The following CSMD1 variants were observed in gnomAD, a reference collection of about 807,000 sequenced individuals.
The protein encoded by CSMD1 is CUB and Sushi multiple domains 1.
A neutral mutation model predicts 417.5 loss-of-function variants in CSMD1; 213 were observed. That is an observed-to-expected ratio of 0.51 (90% CI 0.46 to 0.57). CSMD1 has a LOEUF of 0.57. CSMD1 is among the 20% of genes least tolerant of loss of function. The probability of loss-of-function intolerance (pLI) is 0.00; values close to 1 mark genes in which losing one functional copy is unlikely to be tolerated. For synonymous variants in CSMD1, 2,862 were observed against 1,736.8 expected, an observed-to-expected ratio of 1.65 and a Z score of -16.11; for missense variants, 6,923 against 4,529.7, an observed-to-expected ratio of 1.53 and a Z score of -15.17.
chr8:4,406,127 C>T (rs1805001870), intron 3 of CSMD1, among the ~76,000 whole-genome samples: 2 of 152,144 alleles, frequency 1.3e-5, no homozygotes, highest in Non-Finnish European at 2.9e-5. Context: ...AAACAGCTGT[C>T]AGATGGCAGT....
intron 5 of CSMD1, among the ~76,000 whole-genome samples, chr8:3,920,622 T>A (rs1476561005): frequency 6.6e-6 from 1 of 152,180 alleles, no homozygotes; most frequent in Non-Finnish European, 1.5e-5. Flanking sequence ...TTGTCATATA[T>A]GACCTTTATT....
intron 1 of CSMD1, among the ~76,000 whole-genome samples, chr8:4,693,937 T>A (rs1202371527): frequency 2.0e-5 from 3 of 152,232 alleles, no homozygotes; most frequent in Non-Finnish European, 4.4e-5. Flanking sequence ...AATGGTTTCT[T>A]TATTGTCCAT....
At position 3,151,154 on chromosome 8, in the gene CSMD1, C is replaced by G; in HGVS notation, c.6031+243G>C. On this transcript the variant is annotated intron_variant, in intron 40 of 69. Transcript: ENST00000635120. ...GATGCTATATTTTGTACTTCGTATG[C>G]CTACTATATCATCATTCGGCCAATT... The G allele has an allele frequency of 7.5e-6, 3 of 397,894 alleles. No homozygotes were observed. In the South Asian group the frequency reaches 1.4e-4, roughly 19 times the overall value. 24.6% of individuals were successfully genotyped at this position (397,894 alleles called of 1,614,324 possible).
intron 6 of CSMD1, among the ~76,000 whole-genome samples, chr8:3,717,829 T>C (rs768323552): frequency 9.9e-5 from 15 of 152,204 alleles, no homozygotes; most frequent in Non-Finnish European, 1.6e-4. Context: ...CATTAGAAAT[T>C]AGTTTTTCTC....
intron 1 of CSMD1, among the ~76,000 whole-genome samples, chr8:4,831,142 A>G (rs144924452): frequency 2.6e-5 from 4 of 152,200 alleles, no homozygotes; most frequent in Admixed American, 2.6e-4. Flanking sequence ...ACTTCGTTAA[A>G]TCATCCGTTA....
chr8:3,351,554 C>A (rs1425087849), intron 21 of CSMD1, among the ~76,000 whole-genome samples: 2 of 149,852 alleles, frequency 1.3e-5, no homozygotes, highest in Non-Finnish European at 3.0e-5. Flanking sequence ...CCGAGACCAC[C>A]CAACTACATT....
chr8:4,086,695 T>A (rs1800439341), intron 3 of CSMD1, among the ~76,000 whole-genome samples: 1 of 152,232 alleles, frequency 6.6e-6, no homozygotes, highest in Non-Finnish European at 1.5e-5. Flanking sequence ...AACCTGAACT[T>A]CTTCAGGTAC....
intron 10 of CSMD1, among the ~76,000 whole-genome samples, chr8:3,502,208 T>TA (rs1422417048): frequency 6.6e-6 from 1 of 151,112 alleles, no homozygotes; most frequent in Non-Finnish European, 1.5e-5. Flanking sequence ...ACTAAAAATA[T>TA]AAAAAAATTA....
chr8:3,553,834 C>T (rs1161283073), intron 10 of CSMD1, among the ~76,000 whole-genome samples: 1 of 152,182 alleles, frequency 6.6e-6, no homozygotes, highest in Non-Finnish European at 1.5e-5. Context: ...TTGTATCACT[C>T]TTGAAAAGGA....
intron 1 of CSMD1, among the ~76,000 whole-genome samples, chr8:4,831,584 C>T (rs1800150622): frequency 6.6e-6 from 1 of 151,948 alleles, no homozygotes; most frequent in Non-Finnish European, 1.5e-5. Context: ...AAATGTCATG[C>T]CAAGGTTTGT....
chr8:3,814,347 C>T (rs1801255134), intron 5 of CSMD1, among the ~76,000 whole-genome samples: 1 of 152,172 alleles, frequency 6.6e-6, no homozygotes, highest in Admixed American at 6.5e-5. Flanking sequence ...TGACCAAGGA[C>T]ATCTTTGACT....
At chr8:3,291,559 A>T (rs1036369566) in intron 25 of CSMD1, among the ~76,000 whole-genome samples, 1 of 151,840 alleles carries the variant, frequency 6.6e-6, no homozygotes, top group Admixed American at 6.6e-5. Flanking sequence ...TCTTGGGAGG[A>T]TGTATGTGTC....
At chr8:4,347,279 C>T (rs948319683) in intron 3 of CSMD1, among the ~76,000 whole-genome samples, 1 of 152,064 alleles carries the variant, frequency 6.6e-6, no homozygotes, top group South Asian at 2.1e-4. Context: ...CTCACCTTGG[C>T]CCTCTCTAAA....
At chr8:4,879,223 C>T (rs766070791) in intron 1 of CSMD1, among the ~76,000 whole-genome samples, 1 of 151,910 alleles carries the variant, frequency 6.6e-6, no homozygotes, top group Non-Finnish European at 1.5e-5. Flanking sequence ...GTTTCATGAA[C>T]AGGGACAAGG....
intron 27 of CSMD1, among the ~76,000 whole-genome samples, chr8:3,224,678 A>C (rs907583437): frequency 6.6e-6 from 1 of 152,226 alleles, no homozygotes; most frequent in African/African-American, 2.4e-5. Flanking sequence ...TTGTGTTTGA[A>C]GTCATCAATT....
intron 7 of CSMD1, among the ~76,000 whole-genome samples, chr8:3,657,430 G>A (rs924019316): frequency 6.6e-6 from 1 of 152,088 alleles, no homozygotes; most frequent in East Asian, 1.9e-4. Context: ...CTAAGAAAAT[G>A]ACTTGGAACC....
chr8:4,849,972 AC>A (rs1224263486), intron 1 of CSMD1, among the ~76,000 whole-genome samples: 2 of 152,300 alleles, frequency 1.3e-5, no homozygotes, highest in Middle Eastern at 3.4e-3. Flanking sequence ...ATGTGGCTGA[AC>A]TTTTTTCCAT....
At chr8:4,368,762 A>T (rs1802236007) in intron 3 of CSMD1, among the ~76,000 whole-genome samples, 1 of 152,164 alleles carries the variant, frequency 6.6e-6, no homozygotes, top group African/African-American at 2.4e-5. Flanking sequence ...AGAGGTGCTC[A>T]TAATACTCTC....
intron 2 of CSMD1, among the ~76,000 whole-genome samples, chr8:4,499,037 G>A (rs1404738579): frequency 1.3e-5 from 2 of 152,070 alleles, no homozygotes; most frequent in African/African-American, 4.8e-5. Flanking sequence ...GAAATATCTA[G>A]TACAGATCTC....
Sources: gnomAD v4.1 joint callset for allele counts (sites outside exome capture counted in the v4.1 genomes callset) on GRCh38, gnomAD v4.1.1 for gene constraint, MANE v1.5 for transcripts, NCBI Gene and HGNC (gene_info 2026-07-23, HGNC 2026-07-21) for gene names.